Variants in COP1 observed in about 807,000 individuals in gnomAD.
COP1 encodes the protein E3 ubiquitin-protein ligase COP1.
COP1 carries 24 observed loss-of-function variants against 101.3 expected under a neutral mutation model. The ratio of observed to expected loss-of-function variants is 0.24; its 90% CI spans 0.17 to 0.33. COP1 has a LOEUF of 0.33. Ranked by LOEUF, COP1 falls within the 10% of genes least tolerant of loss-of-function variation. COP1 has a pLI of 1.00. For synonymous variants in COP1, 347 were observed against 341.9 expected (o/e 1.01, Z -0.17); for missense variants, 663 against 906.2 (o/e 0.73, Z 3.45).
At chr1:176,127,679 T>C (rs1199705269) in intron 8 of COP1, among the ~76,000 whole-genome samples, 2 of 152,136 alleles carry the variant, frequency 1.3e-5, no homozygotes, top group Non-Finnish European at 2.9e-5. Flanking sequence ...ACTTAGGTTG[T>C]TTGCATGGCT....
At chr1:175,971,197 T>C (rs1432117459) in intron 18 of COP1, among the ~76,000 whole-genome samples, 3 of 152,230 alleles carry the variant, frequency 2.0e-5, no homozygotes, top group Admixed American at 6.5e-5. Context: ...GATGTTAATA[T>C]GTCAAAGTTG....
intron 5 of COP1, among the ~76,000 whole-genome samples, chr1:176,151,361 GA>G (rs1454673236): frequency 1.8e-5 from 1 of 56,806 alleles, no homozygotes; most frequent in African/African-American, 4.5e-5. Flanking sequence ...GAAAAAGAAA[GA>G]AAGAAAGAAA....
At chr1:176,123,120 A>G (rs1687421554) in intron 8 of COP1, among the ~76,000 whole-genome samples, 1 of 152,256 alleles carries the variant, frequency 6.6e-6, no homozygotes, top group African/African-American at 2.4e-5. Context: ...GAAATTTTAA[A>G]TTATCAGATG....
chr1:176,140,409 T>A (rs576794270), intron 6 of COP1, among the ~76,000 whole-genome samples: 1 of 152,178 alleles, frequency 6.6e-6, no homozygotes, highest in South Asian at 2.1e-4. Context: ...GCAAGAAATA[T>A]TAAAAAGAAA....
At chr1:176,062,611 C>G (rs937158361) in intron 11 of COP1, among the ~76,000 whole-genome samples, 1 of 152,164 alleles carries the variant, frequency 6.6e-6, no homozygotes, top group Non-Finnish European at 1.5e-5. Context: ...CCTAACCATA[C>G]AGCACAGCAA....
rs538369017 is a variant in COP1, at chr1:176,040,471, C to G, written c.1612+2715G>C. On this transcript the variant is annotated intron_variant, in intron 14 of 19. Coordinates refer to ENST00000367669, the MANE Select transcript of COP1 (RefSeq NM_022457.7). ...CGCTGAGACTACCTGTGCGCACCAC[C>G]ACGCCCAGGTAATTTTTAAAATTTT... 3.3e-5 allele frequency among the ~76,000 whole-genome samples: 5 copies of G among 152,178 alleles called. No homozygotes were observed. In the East Asian group the frequency reaches 7.7e-4, roughly 24 times the overall value.
intron 18 of COP1, among the ~76,000 whole-genome samples, chr1:175,953,366 TTGATAATTAAGTATAAGGGG>T (rs1236033450): frequency 1.3e-5 from 2 of 152,072 alleles, no homozygotes; most frequent in Non-Finnish European, 2.9e-5. Flanking sequence ...ACCAACTGTA[TTGATAATTAAGTATAAGGGG>T]TCTAAATATT....
At chr1:175,982,280 C>A in intron 18 of COP1, 1 of 444,336 alleles carries the variant, frequency 2.3e-6, no homozygotes, top group South Asian at 1.6e-5. Context: ...TGAAATCAAC[C>A]TAAGTGCCCA....
intron 18 of COP1, among the ~76,000 whole-genome samples, chr1:175,976,296 T>TTTTTTTC (rs1553284850): frequency 7.3e-6 from 1 of 137,306 alleles, no homozygotes; most frequent in Non-Finnish European, 1.5e-5. Flanking sequence ...TTTTTTTTTT[T>TTTTTTTC]AGACAGAGTC....
intron 8 of COP1, among the ~76,000 whole-genome samples, chr1:176,118,602 T>C (rs1424214160): frequency 1.3e-5 from 2 of 152,034 alleles, no homozygotes; most frequent in Non-Finnish European, 2.9e-5. Context: ...GTTTTCTACA[T>C]ATAATTAGCT....
At chr1:176,088,734 AC>A (rs1680687761) in intron 9 of COP1, among the ~76,000 whole-genome samples, 1 of 151,652 alleles carries the variant, frequency 6.6e-6, no homozygotes. Context: ...AGTGGCTCGT[AC>A]CTGTAATCCC....
chr1:176,180,965 G>A (rs751575071), intron 2 of COP1, among the ~76,000 whole-genome samples: 3 of 152,154 alleles, frequency 2.0e-5, no homozygotes, highest in Non-Finnish European at 2.9e-5. Flanking sequence ...GTAATGAAGC[G>A]AAATAGTAAA....
At chr1:176,183,909 G>A (rs1462914109) in intron 2 of COP1, among the ~76,000 whole-genome samples, 2 of 152,096 alleles carry the variant, frequency 1.3e-5, no homozygotes, top group Non-Finnish European at 2.9e-5. Flanking sequence ...ACAGAAAGTA[G>A]AATGGTGGCT....
chr1:176,124,072 TATC>T (rs905858385), intron 8 of COP1, among the ~76,000 whole-genome samples: 1 of 152,198 alleles, frequency 6.6e-6, no homozygotes, highest in Non-Finnish European at 1.5e-5. Context: ...AATGAACTTT[TATC>T]ATCATCATCA....
At chr1:176,205,920 G>A (rs758725689) in intron 1 of COP1, among the ~76,000 whole-genome samples, 18 of 152,182 alleles carry the variant, frequency 1.2e-4, no homozygotes, top group Non-Finnish European at 2.5e-4. Flanking sequence ...ACTTGGTGGA[G>A]AAGTGAAAAA....
intron 3 of COP1, among the ~76,000 whole-genome samples, chr1:176,164,645 A>G (rs539791018): frequency 6.6e-6 from 1 of 152,332 alleles, no homozygotes; most frequent in East Asian, 1.9e-4. Context: ...TAGCCAGCCA[A>G]AAGACCAAGG....
chr1:175,975,845 A>G (rs1270012945), intron 18 of COP1, among the ~76,000 whole-genome samples: 1 of 152,222 alleles, frequency 6.6e-6, no homozygotes, highest in African/African-American at 2.4e-5. Flanking sequence ...CTCTATTCTA[A>G]GATGATTAGG....
At position 176,046,327 on chromosome 1, in the gene COP1, A is replaced by G. The variant is rs763622649; in HGVS notation, c.1278-3T>C. On this transcript the variant is annotated splice_polypyrimidine_tract_variant and splice_region_variant and intron_variant, in intron 11 of 19. Coordinates refer to ENST00000367669, the MANE Select transcript of COP1 (RefSeq NM_022457.7). ...CACAATCCCGGTCAAATTCAATACTAAGGGGAAAAAGTATGTAATGACAAC... is the reference window on the plus strand; with the variant it reads ...CACAATCCCGGTCAAATTCAATACTGAGGGGAAAAAGTATGTAATGACAAC... The G allele has an allele frequency of 5.6e-6, 9 of 1,605,508 alleles. No homozygotes were observed. The highest frequency in any genetic ancestry group is 7.6e-6 in the Non-Finnish European group (9 of 1,177,742).
intron 5 of COP1, among the ~76,000 whole-genome samples, chr1:176,156,169 G>A (rs1385453704): frequency 6.6e-6 from 1 of 152,090 alleles, no homozygotes; most frequent in Non-Finnish European, 1.5e-5. Flanking sequence ...AGTAAACTGA[G>A]TTATGTGGTA....
Sources: allele counts gnomAD v4.1 joint callset (sites outside exome capture counted in the v4.1 genomes callset), GRCh38; gene constraint gnomAD v4.1.1; transcripts MANE v1.5; gene names NCBI Gene and HGNC (gene_info 2026-07-23, HGNC 2026-07-21).